The following GRIN2B variants were observed in gnomAD, a reference collection of about 807,000 sequenced individuals.
GRIN2B encodes the protein glutamate receptor ionotropic, NMDA 2B.
GRIN2B carries 5 observed loss-of-function variants against 114.5 expected under a neutral mutation model. That is an observed-to-expected ratio of 0.04 (90% CI 0.02 to 0.09). GRIN2B has a LOEUF of 0.09. Ranked by LOEUF, GRIN2B falls within the 10% of genes least tolerant of loss-of-function variation. The probability of loss-of-function intolerance (pLI) is 1.00; values close to 1 mark genes in which losing one functional copy is unlikely to be tolerated. For missense variants in GRIN2B, 1,108 were observed against 1,943.5 expected (o/e 0.57, Z 8.08); for synonymous variants, 787 against 745.1 (o/e 1.06, Z -0.92).
rs745597964 is a variant in GRIN2B at position 13,562,887 on chromosome 12, G to T, written c.4351C>A (p.Gln1451Lys). 5 of 1,614,014 alleles carry T rather than the reference G, an allele frequency of 3.1e-6. No individual in the cohort carries two copies. The highest frequency in any genetic ancestry group is 1.7e-5 in the Admixed American group (1 of 60,010). ...RFQKDICIGN[Q>K]SNPCVPNNKN... The stretch of plus-strand genomic sequence containing the variant: ...TTGTTAGGCACACAGGGGTTGGACT[G>T]GTTCCCTATACAGATGTCCTTCTGG... Residue 1451 changes from glutamine (Q) to lysine (K), a missense_variant, in exon 14 of 14, where the codon CAG (glutamine) becomes AAG (lysine). Gln to Lys is a moderately conservative substitution (Grantham distance 53). Transcript: ENST00000609686.
At chr12:13,689,444 T>C (rs1380212986) in intron 4 of GRIN2B, among the ~76,000 whole-genome samples, 1 of 152,174 alleles carries the variant, frequency 6.6e-6, no homozygotes, top group Admixed American at 6.5e-5. Context: ...TAATTTCCCA[T>C]GCCCAATCCA....
At chr12:13,755,910 G>C (rs2136631524) in intron 3 of GRIN2B, among the ~76,000 whole-genome samples, 1 of 152,350 alleles carries the variant, frequency 6.6e-6, no homozygotes, top group Admixed American at 6.5e-5. Context: ...TGTGAGGACA[G>C]AGCAAGAAGA....
At chr12:13,887,512 A>C (rs1402958162) in intron 2 of GRIN2B, among the ~76,000 whole-genome samples, 1 of 152,236 alleles carries the variant, frequency 6.6e-6, no homozygotes, top group Non-Finnish European at 1.5e-5. Flanking sequence ...GAACTCATAC[A>C]AAAGGATCGG....
intron 2 of GRIN2B, among the ~76,000 whole-genome samples, chr12:13,888,826 G>A (rs1305562889): frequency 6.6e-6 from 1 of 151,106 alleles, no homozygotes; most frequent in African/African-American, 2.4e-5. Flanking sequence ...CACTTACCAC[G>A]AATGGAGCCT....
chr12:13,548,148 C>T lies in GRIN2B; in HGVS notation c.*14635G>A, dbSNP rs1433753968. The T allele has an allele frequency of 6.6e-6, 1 of 151,260 alleles. No individual in the cohort carries two copies. The highest frequency in any genetic ancestry group is 2.4e-5 in the African/African-American group (1 of 41,194). The allele number at this position is 151,260 out of a possible 1,614,324, so 9.4% of individuals were successfully genotyped here. ...GGAAAGAGTTTAAGTTCATGTGGAT[C>T]TTGCTGTTCCGGAGCAAGCTCTGGG... On this transcript the variant is annotated 3_prime_UTR_variant, in exon 14 of 14. Transcript: ENST00000609686.
chr12:13,591,620 T>C (rs377356694), intron 10 of GRIN2B, among the ~76,000 whole-genome samples: 1 of 152,156 alleles, frequency 6.6e-6, no homozygotes, highest in Admixed American at 6.5e-5. Context: ...AGTCAAAGAA[T>C]GTAAAGCATC....
intron 3 of GRIN2B, among the ~76,000 whole-genome samples, chr12:13,817,977 T>G (rs1864861167): frequency 1.3e-5 from 2 of 152,212 alleles, no homozygotes; most frequent in Non-Finnish European, 2.9e-5. Flanking sequence ...TGTTATCGTT[T>G]TTTTGTTTCT....
intron 3 of GRIN2B, among the ~76,000 whole-genome samples, chr12:13,853,738 C>T (rs753391152): frequency 1.3e-5 from 2 of 152,166 alleles, no homozygotes; most frequent in Admixed American, 6.5e-5. Flanking sequence ...CCCAGAGAGA[C>T]GTAGGAATGT....
At chr12:13,971,481 C>A (rs1862912726) in intron 2 of GRIN2B, among the ~76,000 whole-genome samples, 1 of 152,138 alleles carries the variant, frequency 6.6e-6, no homozygotes, top group African/African-American at 2.4e-5. Flanking sequence ...CATCTTGATG[C>A]CTCCTACCCT....
rs190017836 is a variant in GRIN2B at position 13,665,394 on chromosome 12, C to T, written c.1125+10351G>A. Among the ~76,000 whole-genome samples, 155 of 152,234 alleles carry T rather than the reference C, an allele frequency of 1.0e-3. 1 individual carries two copies. The highest frequency in any genetic ancestry group is 1.2e-3 in the East Asian group (6 of 5,184). ...CCAGATGCTGGACCATTTCTTAACA[C>T]GTAGTTTTAAAACTCAAGTAGCAGG... On this transcript the variant is annotated intron_variant, in intron 5 of 13. Transcript: ENST00000609686.
At chr12:13,852,207 C>A (rs1865578326) in intron 3 of GRIN2B, among the ~76,000 whole-genome samples, 1 of 152,188 alleles carries the variant, frequency 6.6e-6, no homozygotes, top group African/African-American at 2.4e-5. Flanking sequence ...CAACCCATAC[C>A]TCAGAAGCTC....
At chr12:13,735,507 G>A (rs909108855) in intron 4 of GRIN2B, among the ~76,000 whole-genome samples, 1 of 152,130 alleles carries the variant, frequency 6.6e-6, no homozygotes, top group East Asian at 1.9e-4. Context: ...CCTTTTCCCT[G>A]AATTAAATTC....
chr12:13,879,180 C>G (rs1351933330), intron 2 of GRIN2B, among the ~76,000 whole-genome samples: 1 of 152,166 alleles, frequency 6.6e-6, no homozygotes, highest in Admixed American at 6.5e-5. Flanking sequence ...GGTGCAAACA[C>G]TATGGAGTGT....
intron 2 of GRIN2B, among the ~76,000 whole-genome samples, chr12:13,926,170 GAGA>G (rs1446229117): frequency 6.6e-6 from 1 of 152,144 alleles, no homozygotes; most frequent in East Asian, 1.9e-4. Context: ...GGCAGAAAAT[GAGA>G]AGGTGTCGGA....
intron 2 of GRIN2B, among the ~76,000 whole-genome samples, chr12:13,878,511 A>C (rs12582848): frequency 0.59 from 89,598 of 152,056 alleles, 26,587 homozygotes; most frequent in South Asian, 0.65. Flanking sequence ...TGACTGAACT[A>C]TCTTCAAATT....
chr12:13,594,425 C>T (rs912353077), intron 10 of GRIN2B, among the ~76,000 whole-genome samples: 3 of 150,158 alleles, frequency 2.0e-5, no homozygotes, highest in African/African-American at 7.4e-5. Flanking sequence ...AACACAAGCA[C>T]AGAAAACCAA....
At chr12:13,634,767 TTTTA>T (rs1023548275) in intron 5 of GRIN2B, among the ~76,000 whole-genome samples, 6 of 152,108 alleles carry the variant, frequency 3.9e-5, no homozygotes, top group African/African-American at 1.2e-4. Flanking sequence ...TGGGGGACAG[TTTTA>T]TTTATTTACA....
At chr12:13,666,165 T>A (rs1949973125) in intron 5 of GRIN2B, among the ~76,000 whole-genome samples, 1 of 152,126 alleles carries the variant, frequency 6.6e-6, no homozygotes, top group Admixed American at 6.6e-5. Flanking sequence ...GGTCCATCAC[T>A]CCCTCCCCAG....
At chr12:13,709,664 G>A (rs1207157256) in intron 4 of GRIN2B, among the ~76,000 whole-genome samples, 3 of 151,904 alleles carry the variant, frequency 2.0e-5, no homozygotes, top group Non-Finnish European at 2.9e-5. Context: ...CCAGATCCAC[G>A]GGTCACTACC....
Sources: gnomAD v4.1 joint callset for allele counts (sites outside exome capture counted in the v4.1 genomes callset) on GRCh38, gnomAD v4.1.1 for gene constraint, MANE v1.5 for transcripts, NCBI Gene and HGNC (gene_info 2026-07-23, HGNC 2026-07-21) for gene names.